The following STXBP5L variants were observed in gnomAD, a reference collection of about 807,000 sequenced individuals.
The protein encoded by STXBP5L is syntaxin binding protein 5L.
In STXBP5L, 65 loss-of-function variants were observed where a neutral mutation model predicts 144.5. The observed-to-expected ratio is 0.45, with a 90% CI of 0.37 to 0.55. The LOEUF (loss-of-function observed/expected upper bound fraction) is 0.55, where lower values mean the gene tolerates loss of function less well. STXBP5L is among the 20% of genes least tolerant of loss of function. STXBP5L has a pLI of 0.00. For synonymous variants in STXBP5L, 505 were observed against 469.6 expected, an observed-to-expected ratio of 1.08 and a Z score of -0.97; for missense variants, 1,298 against 1,405.5, an observed-to-expected ratio of 0.92 and a Z score of 1.22.
At chr3:121,274,789 A>C (rs1437322580) in intron 18 of STXBP5L, among the ~76,000 whole-genome samples, 1 of 152,178 alleles carries the variant, frequency 6.6e-6, no homozygotes, top group Admixed American at 6.5e-5. Flanking sequence ...ACTTGGTCCC[A>C]GGGGTGATGA....
At chr3:120,994,640 T>C (rs1187283796) in intron 3 of STXBP5L, among the ~76,000 whole-genome samples, 6 of 152,312 alleles carry the variant, frequency 3.9e-5, no homozygotes, top group African/African-American at 7.2e-5. Flanking sequence ...TCCTACTTGA[T>C]CATGCTATAT....
rs1576256975 is a variant in STXBP5L at position 121,351,869 on chromosome 3, A to G, written c.2177-26847A>G. Among the ~76,000 whole-genome samples the G allele has an allele frequency of 2.6e-5, 4 of 152,248 alleles. No homozygotes were observed. In the East Asian group the frequency reaches 7.7e-4, roughly 29 times the overall value. On this transcript the variant is annotated intron_variant, in intron 20 of 26. Transcript: ENST00000471454. ...TTGAATGAATTTTTGTATAAGGTGTAAGTAAGGGATCCAGTTTCAGCTTTT... is the reference window on the plus strand; with the variant it reads ...TTGAATGAATTTTTGTATAAGGTGTGAGTAAGGGATCCAGTTTCAGCTTTT...
chr3:121,305,033 T>C (rs1048591341), intron 19 of STXBP5L, among the ~76,000 whole-genome samples: 6 of 152,042 alleles, frequency 3.9e-5, no homozygotes, highest in Non-Finnish European at 2.9e-5. Flanking sequence ...TAAAGTAAGA[T>C]TATTAACTCT....
intron 5 of STXBP5L, among the ~76,000 whole-genome samples, chr3:121,048,233 G>T (rs1947660328): frequency 6.6e-6 from 1 of 152,000 alleles, no homozygotes; most frequent in African/African-American, 2.4e-5. Context: ...GCCTGATGGG[G>T]TTTCCTTTGT....
chr3:121,024,409 T>C (rs147887046), intron 3 of STXBP5L, among the ~76,000 whole-genome samples: 4 of 152,258 alleles, frequency 2.6e-5, no homozygotes, highest in Admixed American at 1.3e-4. Context: ...AAAATCTTTT[T>C]GGGGTTACTA....
chr3:121,044,252 T>C (rs1393189133), intron 4 of STXBP5L, among the ~76,000 whole-genome samples: 1 of 152,162 alleles, frequency 6.6e-6, no homozygotes, highest in African/African-American at 2.4e-5. Context: ...ATGTTTCTAT[T>C]TTTATAAAGC....
At chr3:121,308,730 G>T (rs1222671888) in intron 19 of STXBP5L, among the ~76,000 whole-genome samples, 3 of 151,860 alleles carry the variant, frequency 2.0e-5, no homozygotes, top group Admixed American at 2.0e-4. Context: ...AAATCAGAAG[G>T]TTATAAATAT....
chr3:120,913,284 C>G (rs1708941547), intron 2 of STXBP5L, among the ~76,000 whole-genome samples: 1 of 151,818 alleles, frequency 6.6e-6, no homozygotes. Context: ...TATTTCTTAA[C>G]TCTGGTGTCT....
chr3:121,087,391 A>G (rs927090211), intron 5 of STXBP5L, among the ~76,000 whole-genome samples: 2 of 152,002 alleles, frequency 1.3e-5, no homozygotes, highest in Non-Finnish European at 2.9e-5. Flanking sequence ...GGGTTGCTAT[A>G]TCTTCTTGGT....
At chr3:121,388,471 G>C (rs1428085129) in intron 22 of STXBP5L, among the ~76,000 whole-genome samples, 2 of 152,012 alleles carry the variant, frequency 1.3e-5, no homozygotes, top group Non-Finnish European at 2.9e-5. Flanking sequence ...TCCTTGTCTT[G>C]TGCCAGAAAG....
At chr3:121,402,663 A>T (rs1273372488) in intron 22 of STXBP5L, among the ~76,000 whole-genome samples, 1 of 152,214 alleles carries the variant, frequency 6.6e-6, no homozygotes, top group Non-Finnish European at 1.5e-5. Context: ...AAAATACATA[A>T]CCACACTAAA....
Position 121,114,935 on chromosome 3 carries a change from T to G in STXBP5L, c.481T>G (p.Cys161Gly). The G allele has an allele frequency of 6.5e-7, 1 of 1,533,062 alleles. No homozygotes were observed. The highest frequency in any genetic ancestry group is 8.7e-7 in the Non-Finnish European group (1 of 1,143,890). 95.0% of individuals were successfully genotyped at this position (1,533,062 alleles called of 1,614,324 possible). Residue 161 changes from cysteine to glycine, a missense_variant, in exon 6 of 27, where the codon TGT becomes GGT. Coordinates refer to ENST00000471454, the MANE Select transcript of STXBP5L (RefSeq NM_001308330.2). The part of the protein sequence containing the change: ...LKFNRERITY[C>G]HLPFQSKWLY... ...TTTTCTTTCTTTCAGAATTACTTACTGTCATCTACCTTTCCAGAGTAAATG... is the reference window on the plus strand; with the variant it reads ...TTTTCTTTCTTTCAGAATTACTTACGGTCATCTACCTTTCCAGAGTAAATG...
intron 20 of STXBP5L, among the ~76,000 whole-genome samples, chr3:121,326,006 A>T (rs1263814293): frequency 2.6e-5 from 4 of 151,880 alleles, no homozygotes; most frequent in African/African-American, 9.7e-5. Context: ...TACTAAAAAA[A>T]AAAAAAGTGG....
chr3:121,304,195 T>C (rs1177755902), intron 19 of STXBP5L, among the ~76,000 whole-genome samples: 3 of 152,166 alleles, frequency 2.0e-5, no homozygotes, highest in African/African-American at 7.2e-5. Flanking sequence ...ATAAAAATCC[T>C]ACATACTTGC....
chr3:121,118,524 A>G lies in STXBP5L; in HGVS notation c.606-3117A>G, dbSNP rs533868044. ...TAAAGCTGGAAGGTAATCAGGTTTT[A>G]TAACATGAAAGGTCTTGTAAGCCAA... is the stretch of plus-strand genomic sequence containing the variant. On this transcript the variant is annotated intron_variant, in intron 6 of 26. Coordinates refer to ENST00000471454, the MANE Select transcript of STXBP5L (RefSeq NM_001308330.2). Among the ~76,000 whole-genome samples, 14 of 151,794 alleles carry G rather than the reference A, an allele frequency of 9.2e-5. No individual in the cohort carries two copies. In the South Asian group the frequency reaches 2.9e-3, roughly 31 times the overall value.
chr3:121,416,494 TATTTATTTATTTATTA>T (rs2047239547), intron 25 of STXBP5L, among the ~76,000 whole-genome samples: 1 of 145,410 alleles, frequency 6.9e-6, no homozygotes, highest in South Asian at 2.2e-4. Flanking sequence ...TTTATTTATT[TATTTATTTATTTATTA>T]TTTATTTATT....
At chr3:120,957,178 A>G (rs1705734405) in intron 3 of STXBP5L, among the ~76,000 whole-genome samples, 1 of 151,890 alleles carries the variant, frequency 6.6e-6, no homozygotes, top group African/African-American at 2.4e-5. Context: ...CCACTGATCT[A>G]TAGGTATGTT....
At chr3:121,006,904 T>G (rs1944361529) in intron 3 of STXBP5L, among the ~76,000 whole-genome samples, 1 of 152,194 alleles carries the variant, frequency 6.6e-6, no homozygotes, top group Admixed American at 6.6e-5. Context: ...TTGTAGAGTT[T>G]CTGCTGAGAG....
chr3:121,367,270 C>A (rs1029827463), intron 20 of STXBP5L, among the ~76,000 whole-genome samples: 1 of 151,998 alleles, frequency 6.6e-6, no homozygotes. Context: ...ACCTAATATC[C>A]TTTTATTTCA....
Sources: gnomAD v4.1 joint callset for allele counts (sites outside exome capture counted in the v4.1 genomes callset) on GRCh38, gnomAD v4.1.1 for gene constraint, MANE v1.5 for transcripts, NCBI Gene and HGNC (gene_info 2026-07-23, HGNC 2026-07-21) for gene names.